The following CLHC1 variants were observed in gnomAD, a reference collection of about 807,000 sequenced individuals.
CLHC1 encodes clathrin heavy chain linker domain containing 1, also known as clathrin heavy chain linker domain-containing protein 1.
In CLHC1, 72 loss-of-function variants were observed where a neutral mutation model predicts 69.5. That is an observed-to-expected ratio of 1.04 (90% CI 0.86 to 1.26). CLHC1 has a LOEUF of 1.26. Among genes scored for constraint, CLHC1 ranks in the 50% most tolerant of loss-of-function variants. The pLI is 0.00. For synonymous variants in CLHC1, 223 were observed against 224.3 expected (o/e 0.99, Z 0.05); for missense variants, 790 against 679.3 (o/e 1.16, Z -1.81).
rs1199138203 is a variant in CLHC1 at position 55,232,226 on chromosome 2, C to CA, written c.-260dup. ...CCATTATTCCGCTTCATCCTACCTC[C>CA]AGTCCTCACCTGAGTCCTTTTCTCC... On this transcript the variant is annotated 5_prime_UTR_variant, in exon 1 of 13. Transcript: ENST00000401408. 5.8e-6 allele frequency: 1 copy of CA among 172,600 alleles called. No individual in the cohort carries two copies. Among genetic ancestry groups the CA allele is most frequent in the Non-Finnish European group, 1.3e-5 (1 of 78,310 alleles). The allele number at this position is 172,600 out of a possible 1,614,324, so 10.7% of individuals were successfully genotyped here.
chr2:55,230,936 T>G (rs1675257733), intron 1 of CLHC1, among the ~76,000 whole-genome samples: 1 of 152,116 alleles, frequency 6.6e-6, no homozygotes. Flanking sequence ...AGAGACTAGT[T>G]GGCGGACTAG....
chr2:55,208,588 A>G (rs1015989988), intron 8 of CLHC1, 38 bp downstream of exon 8: 3 of 1,304,912 alleles, frequency 2.3e-6, no homozygotes, highest in Non-Finnish European at 3.3e-6. Flanking sequence ...CTATGAAAAA[A>G]TATAATTCTG....
At chr2:55,227,536 G>A (rs1437970797) in intron 2 of CLHC1, among the ~76,000 whole-genome samples, 2 of 151,972 alleles carry the variant, frequency 1.3e-5, no homozygotes, top group African/African-American at 4.8e-5. Flanking sequence ...AAATTAGCTG[G>A]GAGTGGTGGC....
chr2:55,197,527 C>T lies in CLHC1; in HGVS notation c.1006+8743G>A, dbSNP rs573251642. On this transcript the variant is annotated intron_variant, in intron 9 of 12. Coordinates refer to ENST00000401408, the MANE Select transcript of CLHC1 (RefSeq NM_152385.4). Reference sequence around the variant, plus strand: ...TTTGATGCAGTCTAGATCACAAGGACTGCAACTTGGAGAGACTCCATTTTA... The same window carrying T: ...TTTGATGCAGTCTAGATCACAAGGATTGCAACTTGGAGAGACTCCATTTTA... Among the ~76,000 whole-genome samples, 20 of 152,290 alleles carry T rather than the reference C, an allele frequency of 1.3e-4. No individual in the cohort carries two copies. In the South Asian group the frequency reaches 3.9e-3, roughly 30 times the overall value.
intron 9 of CLHC1, chr2:55,205,595 CA>C (rs1672367418): frequency 6.6e-6 from 1 of 152,138 alleles, no homozygotes; most frequent in Non-Finnish European, 1.5e-5. Flanking sequence ...ATGCATATGT[CA>C]AAACTTACCA....
chr2:55,181,788 T>C (rs754533010), intron 9 of CLHC1, 44 bp from the exon 10 acceptor site: 25 of 1,504,314 alleles, frequency 1.7e-5, no homozygotes, highest in South Asian at 3.6e-5. Context: ...CTTTAAGAAA[T>C]AGTTTGCTTT....
At chr2:55,176,879 T>TTC (rs1180993900) in intron 12 of CLHC1, among the ~76,000 whole-genome samples, 1 of 152,150 alleles carries the variant, frequency 6.6e-6, no homozygotes, top group African/African-American at 2.4e-5. Context: ...GTTTTAATTA[T>TTC]TCTCTCTCTC....
chr2:55,175,843 C>A lies in CLHC1; in HGVS notation c.1708G>T (p.Glu570Ter). Residue 570 changes from glutamate to a stop codon, truncating the protein, a stop_gained, in exon 13 of 13, where the codon GAA (glutamate) becomes TAA (stop). Transcript: ENST00000401408. LOFTEE classifies it high-confidence loss of function. ...ACTGCGTCATCCTCTTCAGAAATTT[C>A]TGTAACTGCAGCCTGAGATCGAAGA... is the stretch of plus-strand genomic sequence containing the variant. ...SILRSQAAVT[E>*]ISEEDDAVNL... 2.5e-6 allele frequency: 4 copies of A among 1,614,048 alleles called. No homozygotes were observed. The highest frequency in any genetic ancestry group is 3.4e-6 in the Non-Finnish European group (4 of 1,179,958).
intron 3 of CLHC1, 101 bp downstream of exon 3, chr2:55,222,134 A>G: frequency 3.8e-6 from 3 of 784,282 alleles, no homozygotes; most frequent in Non-Finnish European, 6.2e-6. Context: ...ATGGAATGTT[A>G]TCATTCAAAC....
At position 55,175,920 on chromosome 2, in the gene CLHC1, TTTGCCACTTC is replaced by T. The variant is rs1377384674; in HGVS notation, c.1621_1630del (p.Glu541IlefsTer37). 1.2e-6 allele frequency: 2 copies of T among 1,613,840 alleles called. No individual in the cohort carries two copies. The highest frequency in any genetic ancestry group is 4.5e-5 in the East Asian group (2 of 44,876). ...GTCAAAGCCATTCTGTGAACATATA[TTTGCCACTTC>T]TTGCCACTTTTCTATGGAGCAAAAG... On this transcript the variant is annotated frameshift_variant, in exon 13 of 13. Transcript: ENST00000401408. LOFTEE classifies it high-confidence loss of function.
intron 5 of CLHC1, among the ~76,000 whole-genome samples, chr2:55,211,230 A>C (rs1004766988): frequency 6.6e-6 from 1 of 152,056 alleles, no homozygotes; most frequent in Non-Finnish European, 1.5e-5. Flanking sequence ...GGCCAGGTGC[A>C]GTGGCTCACG....
chr2:55,216,817 G>T (rs1673560573), intron 4 of CLHC1, among the ~76,000 whole-genome samples: 1 of 151,946 alleles, frequency 6.6e-6, no homozygotes, highest in Non-Finnish European at 1.5e-5. Context: ...GCCACCCTGT[G>T]CGGACCCTCA....
rs538879915 is a variant in CLHC1 at position 55,232,249 on chromosome 2, T to G, written c.-282A>C. Reference sequence around the variant, plus strand: ...TCCAGTCCTCACCTGAGTCCTTTTCTCCAAACACCGACTTCAGTGCTTAGA... The same window carrying G: ...TCCAGTCCTCACCTGAGTCCTTTTCGCCAAACACCGACTTCAGTGCTTAGA... On this transcript the variant is annotated 5_prime_UTR_variant, in exon 1 of 13. Transcript: ENST00000401408. 293 of 183,044 alleles carry G rather than the reference T, an allele frequency of 1.6e-3. 3 individuals carry two copies. The highest frequency in any genetic ancestry group is 6.5e-4 in the Non-Finnish European group (55 of 84,386). 11.3% of individuals were successfully genotyped at this position (183,044 alleles called of 1,614,324 possible).
chr2:55,205,318 A>G (rs1672331160), intron 9 of CLHC1, among the ~76,000 whole-genome samples: 1 of 152,064 alleles, frequency 6.6e-6, no homozygotes, highest in African/African-American at 2.4e-5. Context: ...TGCATTCATT[A>G]TGTTTATCAC....
rs1669101191 is a variant in CLHC1, at chr2:55,173,176, G to GC, written c.*2613dup. 6.6e-6 allele frequency among the ~76,000 whole-genome samples: 1 copy of GC among 152,212 alleles called. No individual in the cohort carries two copies. The highest frequency in any genetic ancestry group is 6.5e-5 in the Admixed American group (1 of 15,284). ...AAGGAGAGAAGACACGCTCAAGACA[G>GC]CAAGACCTAATAGAACACATGAACG... On this transcript the variant is annotated 3_prime_UTR_variant, in exon 13 of 13. Coordinates refer to ENST00000401408, the MANE Select transcript of CLHC1 (RefSeq NM_152385.4).
chr2:55,187,424 T>C (rs1670522081), intron 9 of CLHC1, among the ~76,000 whole-genome samples: 1 of 151,778 alleles, frequency 6.6e-6, no homozygotes, highest in Non-Finnish European at 1.5e-5. Flanking sequence ...ACCAGCCTGG[T>C]CAATATGGCA....
chr2:55,228,968 G>A (rs1174032133), intron 1 of CLHC1, among the ~76,000 whole-genome samples: 3 of 152,006 alleles, frequency 2.0e-5, no homozygotes, highest in Non-Finnish European at 4.4e-5. Flanking sequence ...TGGCCAACAT[G>A]GCAAAACCCA....
intron 9 of CLHC1, 114 bp from the exon 10 acceptor site, chr2:55,181,858 A>T: frequency 6.5e-6 from 5 of 771,854 alleles, no homozygotes; most frequent in Non-Finnish European, 1.1e-5. Context: ...ACAATCTAAA[A>T]TTACACATTT....
At chr2:55,206,086 G>A (rs184567926) in intron 9 of CLHC1, among the ~76,000 whole-genome samples, 184 bp downstream of exon 9, 176 of 152,196 alleles carry the variant, frequency 1.2e-3, no homozygotes, top group Admixed American at 3.5e-3. Context: ...ACTTAAAATC[G>A]TTCATAATGT....
Sources: allele counts gnomAD v4.1 joint callset (sites outside exome capture counted in the v4.1 genomes callset), GRCh38; gene constraint gnomAD v4.1.1; transcripts MANE v1.5; gene names NCBI Gene and HGNC (gene_info 2026-07-23, HGNC 2026-07-21).